Variants in SGCD observed in about 807,000 individuals in gnomAD.
The protein encoded by SGCD is delta-sarcoglycan.
A neutral mutation model predicts 36.6 loss-of-function variants in SGCD; 18 were observed. The ratio of observed to expected loss-of-function variants is 0.49; its 90% confidence interval spans 0.34 to 0.73. The LOEUF (loss-of-function observed/expected upper bound fraction) is 0.73, where lower values mean the gene tolerates loss of function less well. SGCD is among the 30% of genes least tolerant of loss of function. SGCD has a pLI of 0.01. For missense variants in SGCD, 387 were observed against 346.7 expected, an observed-to-expected ratio of 1.12 and a Z score of -0.92; for synonymous variants, 133 against 130.6, an observed-to-expected ratio of 1.02 and a Z score of -0.12.
In SGCD at chr5:156,759,571, TATATAAATAA is replaced by T. The variant is rs1178067109; in HGVS notation, c.*187_*196del. The T allele has an allele frequency of 8.9e-5, 16 of 180,342 alleles. No individual in the cohort carries two copies. Among genetic ancestry groups the T allele is most frequent in the Non-Finnish European group, 1.5e-4 (13 of 89,548 alleles). The allele number at this position is 180,342 out of a possible 1,614,324, so 11.2% of individuals were successfully genotyped here. A position where few individuals can be genotyped will look rare whatever the true frequency, so the allele number is the denominator to read the frequency against. On this transcript the variant is annotated 3_prime_UTR_variant, in exon 9 of 9. Transcript: ENST00000337851. ...GGGTGGATATAAATATATATAAATATATATAAATAAATATATATATCCTCTGTATAAAATG... is the reference window on the plus strand; with the variant it reads ...GGGTGGATATAAATATATATAAATATATATATATATCCTCTGTATAAAATG...
intron 1 of SGCD, among the ~76,000 whole-genome samples, chr5:156,000,659 C>T (rs1401937673): frequency 6.6e-6 from 1 of 152,198 alleles, no homozygotes; most frequent in African/African-American, 2.4e-5. Flanking sequence ...GCCTCCTTAC[C>T]CCTGCCCCAC....
chr5:155,855,044 C>T, the SGCD span, among the ~76,000 whole-genome samples: 1 of 152,112 alleles, frequency 6.6e-6, no homozygotes, highest in South Asian at 2.1e-4. Context: ...GGATTCTTCC[C>T]ACCACTTTCG....
chr5:156,132,465 T>TTTTTTTTTG (rs1762350559), intron 3 of SGCD, among the ~76,000 whole-genome samples: 1 of 107,810 alleles, frequency 9.3e-6, no homozygotes, highest in Non-Finnish European at 1.9e-5. Flanking sequence ...AGTCTTTTTT[T>TTTTTTTTTG]TTTTTTTTTT....
chr5:155,835,478 T>A, the SGCD span, among the ~76,000 whole-genome samples: 1 of 152,210 alleles, frequency 6.6e-6, no homozygotes, highest in Non-Finnish European at 1.5e-5. Flanking sequence ...TCTATTCATT[T>A]AACAATATGT....
chr5:155,826,590 C>A, the SGCD span, among the ~76,000 whole-genome samples: 1 of 152,168 alleles, frequency 6.6e-6, no homozygotes, highest in African/African-American at 2.4e-5. Context: ...ATGACTAGAG[C>A]CTTCTTGTCG....
chr5:156,229,842 G>T (rs948637708), intron 3 of SGCD, among the ~76,000 whole-genome samples: 8 of 152,100 alleles, frequency 5.3e-5, no homozygotes, highest in East Asian at 1.9e-4. Flanking sequence ...CTTCTTGGAA[G>T]CTTTGTTCAT....
intron 3 of SGCD, among the ~76,000 whole-genome samples, chr5:156,192,510 T>C (rs943084122): frequency 1.3e-5 from 2 of 151,990 alleles, no homozygotes; most frequent in African/African-American, 4.8e-5. Flanking sequence ...AGAGGTAAGT[T>C]AATGGATGCA....
chr5:156,346,626 A>C (rs1561635350), intron 3 of SGCD, among the ~76,000 whole-genome samples: 1 of 152,100 alleles, frequency 6.6e-6, no homozygotes, highest in Non-Finnish European at 1.5e-5. Flanking sequence ...TGAAAAATGC[A>C]GAAAATCTAT....
At position 156,157,440 on chromosome 5, in the gene SGCD, G is replaced by C. The variant is rs537214255; in HGVS notation, c.-44+33421G>C. ...CCAGCCTGTTGCTTAGGTCTAATGG[G>C]TGACTGTCCACCAACATTCTTTAGA... On this transcript the variant is annotated intron_variant, in intron 3 of 9. Transcript: ENST00000517913. Among the ~76,000 whole-genome samples, 89 of 151,778 alleles carry C rather than the reference G, an allele frequency of 5.9e-4. 1 individual carries two copies. In the South Asian group the frequency reaches 8.3e-3, roughly 14 times the overall value.
intron 1 of SGCD, among the ~76,000 whole-genome samples, chr5:155,988,504 A>G (rs1438513701): frequency 6.6e-6 from 1 of 152,170 alleles, no homozygotes; most frequent in Non-Finnish European, 1.5e-5. Flanking sequence ...GAAAAGGAAG[A>G]GTGACAGACA....
At chr5:156,246,004 C>A (rs1174219610) in intron 3 of SGCD, among the ~76,000 whole-genome samples, 2 of 152,116 alleles carry the variant, frequency 1.3e-5, no homozygotes, top group Non-Finnish European at 2.9e-5. Context: ...CATACAACCA[C>A]AGTGACAGGA....
rs763067309 is a variant in SGCD at position 155,975,609 on chromosome 5, C to CTTTTTTTTTTTTTTTTTT, written c.-282+105205_-282+105222dup. Among the ~76,000 whole-genome samples the CTTTTTTTTTTTTTTTTTT allele has an allele frequency of 2.1e-4, 6 of 28,008 alleles. 3 individuals carry two copies. Among genetic ancestry groups the CTTTTTTTTTTTTTTTTTT allele is most frequent in the Admixed American group, 1.2e-3 (2 of 1,676 alleles). 18.4% of individuals were successfully genotyped at this position (28,008 alleles called of 152,430 possible). A position where few individuals can be genotyped will look rare whatever the true frequency, so the allele number is the denominator to read the frequency against. ...TGTGTTATTTATTTTTCTTTCTTTC[C>CTTTTTTTTTTTTTTTTTT]TTTTTTTTTTTTTTTTTTTTTTTTT... On this transcript the variant is annotated intron_variant, in intron 1 of 9. Transcript: ENST00000517913.
chr5:156,403,144 G>A (rs112538006), intron 3 of SGCD, among the ~76,000 whole-genome samples: 7 of 152,038 alleles, frequency 4.6e-5, no homozygotes, highest in Admixed American at 1.3e-4. Context: ...CCACCCTGCC[G>A]CCTTTTCCTG....
intron 3 of SGCD, among the ~76,000 whole-genome samples, chr5:156,176,054 C>A (rs1389555508): frequency 1.3e-5 from 2 of 151,610 alleles, no homozygotes; most frequent in African/African-American, 4.8e-5. Flanking sequence ...AAGTTGCTTG[C>A]GATTTTCAAA....
intron 3 of SGCD, among the ~76,000 whole-genome samples, chr5:156,288,987 A>G (rs1374428333): frequency 6.6e-6 from 1 of 152,096 alleles, no homozygotes; most frequent in East Asian, 1.9e-4. Context: ...CATTAGGTAA[A>G]TTATTTGATT....
chr5:155,904,397 G>T (rs1756454665), intron 1 of SGCD, among the ~76,000 whole-genome samples: 1 of 152,126 alleles, frequency 6.6e-6, no homozygotes, highest in Non-Finnish European at 1.5e-5. Flanking sequence ...AAACATATAT[G>T]ATCCAGTGAT....
intron 3 of SGCD, among the ~76,000 whole-genome samples, chr5:156,261,686 G>A (rs1055199268): frequency 6.6e-6 from 1 of 152,122 alleles, no homozygotes; most frequent in Non-Finnish European, 1.5e-5. Context: ...GTATTACAGA[G>A]AAAGGCATTG....
At chr5:156,699,791 G>C (rs1367929874) in intron 7 of SGCD, among the ~76,000 whole-genome samples, 11 of 152,168 alleles carry the variant, frequency 7.2e-5, no homozygotes, top group Non-Finnish European at 1.2e-4. Flanking sequence ...CTTTAGAGTA[G>C]CTCTGAGATA....
Position 156,400,019 on chromosome 5 carries a change from C to T in SGCD, c.192+55342C>T, listed in dbSNP as rs1210772593. Among the ~76,000 whole-genome samples the T allele has an allele frequency of 2.0e-5, 3 of 152,122 alleles. No homozygotes were observed. In the East Asian group the frequency reaches 5.8e-4, roughly 29 times the overall value. ...AGTCTATGGAAGTTAATAGATGTTA[C>T]ATGAAATGGGGTGAGGAGGGTAAGT... is the stretch of plus-strand genomic sequence containing the variant. On this transcript the variant is annotated intron_variant, in intron 3 of 8. Coordinates refer to ENST00000337851, the MANE Select transcript of SGCD (RefSeq NM_000337.6).
Sources: gnomAD v4.1 joint callset for allele counts (sites outside exome capture counted in the v4.1 genomes callset) on GRCh38, gnomAD v4.1.1 for gene constraint, MANE v1.5 for transcripts, NCBI Gene and HGNC (gene_info 2026-07-23, HGNC 2026-07-21) for gene names.